Variants in DNASE1L3 observed in about 807,000 individuals in gnomAD.
DNASE1L3 encodes the protein deoxyribonuclease 1L3, also known as deoxyribonuclease gamma.
DNASE1L3 carries 27 observed loss-of-function variants against 30.9 expected under a neutral mutation model. The observed-to-expected ratio is 0.87, with a 90% CI of 0.64 to 1.20. The LOEUF (loss-of-function observed/expected upper bound fraction) is 1.20. Ranked by LOEUF, DNASE1L3 falls within the 50% of genes most tolerant of loss-of-function variation. DNASE1L3 has a pLI of 0.00. For synonymous variants in DNASE1L3, 135 were observed against 138.0 expected (o/e 0.98, Z 0.15); for missense variants, 364 against 378.2 (o/e 0.96, Z 0.31).
chr3:58,208,199 C>T lies in DNASE1L3; in HGVS notation c.230+19G>A, dbSNP rs746962052. ...CACTTGACCTTGAGCCCTAGAGGGCCCACCCTTCCCCATGTTACCTGTTCA... is the reference window on the plus strand; with the variant it reads ...CACTTGACCTTGAGCCCTAGAGGGCTCACCCTTCCCCATGTTACCTGTTCA... On this transcript the variant is annotated intron_variant, in intron 2 of 7. Coordinates refer to ENST00000394549, the MANE Select transcript of DNASE1L3 (RefSeq NM_004944.4). 1 of 1,613,018 alleles carries T rather than the reference C, an allele frequency of 6.2e-7. No homozygotes were observed. Among genetic ancestry groups the T allele is most frequent in the Non-Finnish European group, 8.5e-7 (1 of 1,179,076 alleles).
chr3:58,205,767 T>C (rs1388671231), intron 2 of DNASE1L3, among the ~76,000 whole-genome samples: 3 of 152,258 alleles, frequency 2.0e-5, no homozygotes, highest in Admixed American at 6.5e-5. Flanking sequence ...CATTATTTCT[T>C]GCCTTATGAG....
At position 58,193,357 on chromosome 3, in the gene DNASE1L3, G is replaced by C; in HGVS notation, c.787C>G (p.Leu263Val). Residue 263 changes from leucine (L) to valine (V), a missense_variant, in exon 7 of 8, where the codon CTG becomes GTG. Coordinates refer to ENST00000394549, the MANE Select transcript of DNASE1L3 (RefSeq NM_004944.4). The part of the protein sequence containing the change: ...SVFDFQKAYK[L>V]TEEEALDVSD... ...GGCAACCTTACCTCCTCTTCAGTCA[G>C]CTTGTAAGCTTTCTGGAAGTCAAAA... 2 of 1,614,112 alleles carry C rather than the reference G, an allele frequency of 1.2e-6. No homozygotes were observed. Among genetic ancestry groups the C allele is most frequent in the Non-Finnish European group, 1.7e-6 (2 of 1,180,022 alleles).
chr3:58,205,860 C>T (rs534171037), intron 2 of DNASE1L3, among the ~76,000 whole-genome samples: 1 of 152,208 alleles, frequency 6.6e-6, no homozygotes, highest in African/African-American at 2.4e-5. Flanking sequence ...CCCCAAAACC[C>T]GCATGCTTTG....
At chr3:58,206,892 A>G (rs1242604018) in intron 2 of DNASE1L3, among the ~76,000 whole-genome samples, 1 of 152,160 alleles carries the variant, frequency 6.6e-6, no homozygotes, top group Non-Finnish European at 1.5e-5. Flanking sequence ...TTCCCTTACT[A>G]TAAGGGAAGC....
At chr3:58,204,731 G>T in intron 4 of DNASE1L3, 38 bp downstream of exon 4, 1 of 1,581,692 alleles carries the variant, frequency 6.3e-7, no homozygotes, top group East Asian at 2.2e-5. Flanking sequence ...ATGGGCCGTT[G>T]GGGAGGTCCC....
chr3:58,194,889 A>G (rs2097396329), intron 6 of DNASE1L3, among the ~76,000 whole-genome samples: 1 of 152,066 alleles, frequency 6.6e-6, no homozygotes, highest in Non-Finnish European at 1.5e-5. Context: ...CAGCCTCCCA[A>G]AGTGCTGGGA....
At chr3:58,204,560 G>C (rs2097402738) in intron 4 of DNASE1L3, among the ~76,000 whole-genome samples, 1 of 152,212 alleles carries the variant, frequency 6.6e-6, no homozygotes, top group Non-Finnish European at 1.5e-5. Flanking sequence ...CAGAAAGTGG[G>C]TTCTGGGCTG....
At chr3:58,205,698 C>A in intron 2 of DNASE1L3, 138 bp from the exon 3 acceptor site, 1 of 684,590 alleles carries the variant, frequency 1.5e-6, no homozygotes, top group Non-Finnish European at 2.5e-6. Flanking sequence ...CCTTTGAGTC[C>A]AATGAGAGGA....
rs1426914979 is a variant in DNASE1L3 at position 58,200,243 on chromosome 3, A to G, written c.546+754T>C. 1.3e-5 allele frequency among the ~76,000 whole-genome samples: 2 copies of G among 152,220 alleles called. No homozygotes were observed. The highest frequency in any genetic ancestry group is 4.8e-5 in the African/African-American group (2 of 41,460). On this transcript the variant is annotated intron_variant, in intron 5 of 7. Transcript: ENST00000394549. This position sits in a 1 kb window ranked among gnomAD's most constrained non-coding sequence, Gnocchi z 4.2. The stretch of plus-strand genomic sequence containing the variant: ...GGTGGACACAGATTTAGTCAATCAG[A>G]GTAGCTCAACACCCTGATCACAATG...
At chr3:58,208,717 A>G (rs1442419299) in intron 1 of DNASE1L3, among the ~76,000 whole-genome samples, 1 of 152,248 alleles carries the variant, frequency 6.6e-6, no homozygotes, top group Non-Finnish European at 1.5e-5. Flanking sequence ...ATAAAGAGGT[A>G]TAATTATAAT....
rs748415080 is a variant in DNASE1L3 at position 58,200,968 on chromosome 3, G to A, written c.546+29C>T. 1.3e-6 allele frequency: 2 copies of A among 1,586,010 alleles called. No individual in the cohort carries two copies. ...GGACCAGAGCCTGCCCCTGCTAGAT[G>A]GGAATTCGTCTGACACAGCAGTCCT... is the stretch of plus-strand genomic sequence containing the variant. On this transcript the variant is annotated intron_variant, in intron 5 of 7. Transcript: ENST00000394549. The surrounding 1 kb of genome is among the most constrained non-coding windows in gnomAD (Gnocchi z 4.2).
chr3:58,198,571 G>A (rs747719432), intron 5 of DNASE1L3, among the ~76,000 whole-genome samples: 20 of 152,268 alleles, frequency 1.3e-4, no homozygotes, highest in African/African-American at 4.6e-4. Context: ...AGGCGAGTGC[G>A]TACCAGGGAG....
Position 58,201,035 on chromosome 3 carries a change from C to G in DNASE1L3, c.508G>C (p.Glu170Gln), listed in dbSNP as rs2107373943. The G allele has an allele frequency of 1.2e-6, 2 of 1,613,572 alleles. No homozygotes were observed. Among genetic ancestry groups the G allele is most frequent in the Non-Finnish European group, 8.5e-7 (1 of 1,179,686 alleles). Residue 170 changes from glutamate to glutamine, a missense_variant, in exon 5 of 8, where the codon GAG becomes CAG. Glu to Gln is a conservative substitution (Grantham distance 29, BLOSUM62 2). Coordinates refer to ENST00000394549, the MANE Select transcript of DNASE1L3 (RefSeq NM_004944.4). ...CGGTGTTTCACGTCCGTGTAGACCT[C>G]AACCAACTCATCGATCTCCTTAACG... Reference protein sequence around the residue: ...TSVKEIDELVEVYTDVKHRWK... With the variant: ...TSVKEIDELVQVYTDVKHRWK...
intron 1 of DNASE1L3, among the ~76,000 whole-genome samples, chr3:58,210,206 A>AGAAGAAAGAAAAAG (rs145864774): frequency 6.7e-6 from 1 of 148,944 alleles, no homozygotes; most frequent in Non-Finnish European, 1.5e-5. Flanking sequence ...AAAGACAGAA[A>AGAAGAAAGAAAAAG]GAAGAAAGAA....
chr3:58,208,641 A>G (rs1245538329), intron 1 of DNASE1L3, among the ~76,000 whole-genome samples: 1 of 152,200 alleles, frequency 6.6e-6, no homozygotes, highest in Non-Finnish European at 1.5e-5. Flanking sequence ...TGCTTGAATA[A>G]TTACAATAAT....
chr3:58,210,304 G>A lies in DNASE1L3; in HGVS notation c.141+462C>T, dbSNP rs574289940. On this transcript the variant is annotated intron_variant, in intron 1 of 7. Transcript: ENST00000394549. ...AAGAAAGAAGAAAAGGAAAGAGAGAGAAAGGAGCTGGGCTTTGCTGGTGAA... is the reference window on the plus strand; with the variant it reads ...AAGAAAGAAGAAAAGGAAAGAGAGAAAAAGGAGCTGGGCTTTGCTGGTGAA... Among the ~76,000 whole-genome samples, 18 of 152,184 alleles carry A rather than the reference G, an allele frequency of 1.2e-4. No homozygotes were observed. In the East Asian group the frequency reaches 3.1e-3, roughly 26 times the overall value.
At chr3:58,193,502 AG>A in intron 6 of DNASE1L3, 63 bp from the exon 7 acceptor site, 10 of 1,432,194 alleles carry the variant, frequency 7.0e-6, no homozygotes, top group Non-Finnish European at 9.7e-6. Context: ...GATCAAACCA[AG>A]GTCTGTGTTT....
chr3:58,207,196 C>T (rs376519195), intron 2 of DNASE1L3, among the ~76,000 whole-genome samples: 17 of 152,078 alleles, frequency 1.1e-4, no homozygotes, highest in African/African-American at 4.1e-4. Flanking sequence ...CATAGCAAAA[C>T]CCCGACTCCA....
intron 6 of DNASE1L3, among the ~76,000 whole-genome samples, chr3:58,196,675 C>T (rs556010890): frequency 1.3e-5 from 2 of 152,034 alleles, no homozygotes; most frequent in African/African-American, 4.8e-5. Context: ...ACTGTGGCCA[C>T]CACCTGGGAC....
Sources: allele counts gnomAD v4.1 joint callset (sites outside exome capture counted in the v4.1 genomes callset), GRCh38; gene constraint gnomAD v4.1.1; non-coding constraint Gnocchi (gnomAD v3.1); transcripts MANE v1.5; gene names NCBI Gene and HGNC (gene_info 2026-07-23, HGNC 2026-07-21).